Variants in ARID2 observed in about 807,000 individuals in gnomAD.
ARID2 encodes AT-rich interaction domain 2.
A neutral mutation model predicts 184.6 loss-of-function variants in ARID2; 32 were observed. The ratio of observed to expected loss-of-function variants is 0.17; its 90% CI spans 0.13 to 0.23. The LOEUF is 0.23. ARID2 is among the 10% of genes least tolerant of loss of function. The pLI is 1.00. For missense variants in ARID2, 1,696 were observed against 2,197.6 expected, an observed-to-expected ratio of 0.77 and a Z score of 4.56; for synonymous variants, 836 against 772.6, an observed-to-expected ratio of 1.08 and a Z score of -1.36.
chr12:45,896,382 G>C (rs1009875188), intron 20 of ARID2, among the ~76,000 whole-genome samples: 8 of 152,176 alleles, frequency 5.3e-5, no homozygotes, highest in South Asian at 2.1e-4. Context: ...TCCCCACCCA[G>C]ATCTCCTCTT....
intron 3 of ARID2, among the ~76,000 whole-genome samples, chr12:45,736,241 C>T (rs1273283388): frequency 6.6e-6 from 1 of 152,004 alleles, no homozygotes; most frequent in Non-Finnish European, 1.5e-5. Flanking sequence ...CCTGTAGTCC[C>T]AGCTACTCGG....
chr12:45,896,502 GTT>G (rs1944369336), intron 20 of ARID2, among the ~76,000 whole-genome samples: 1 of 152,162 alleles, frequency 6.6e-6, no homozygotes, highest in Admixed American at 6.5e-5. Flanking sequence ...AGATCCGATG[GTT>G]TTAAAAAAGG....
chr12:45,735,317 C>G (rs1941087679), intron 3 of ARID2, among the ~76,000 whole-genome samples: 1 of 151,750 alleles, frequency 6.6e-6, no homozygotes, highest in Admixed American at 6.6e-5. Flanking sequence ...GATTGCCCTT[C>G]TTATTCAAGG....
intron 3 of ARID2, among the ~76,000 whole-genome samples, chr12:45,788,747 A>G (rs1439583890): frequency 6.6e-6 from 1 of 152,198 alleles, no homozygotes; most frequent in East Asian, 1.9e-4. Context: ...AAAAATAAAA[A>G]TTACTTAAAG....
intron 20 of ARID2, among the ~76,000 whole-genome samples, chr12:45,898,082 GCTA>G (rs1944393788): frequency 6.6e-6 from 1 of 152,096 alleles, no homozygotes; most frequent in Admixed American, 6.5e-5. Flanking sequence ...ACAGGCGTGA[GCTA>G]CTGAGCCCAG....
intron 16 of ARID2, 118 bp downstream of exon 16, chr12:45,861,067 C>A: frequency 2.3e-6 from 2 of 861,408 alleles, no homozygotes; most frequent in Non-Finnish European, 1.6e-6. Context: ...CTAACTTTAG[C>A]GAAACTACAA....
intron 3 of ARID2, among the ~76,000 whole-genome samples, chr12:45,793,085 G>A (rs1285531184): frequency 6.6e-6 from 1 of 152,026 alleles, no homozygotes; most frequent in East Asian, 1.9e-4. Flanking sequence ...GATCACCTGA[G>A]GTCAGGAGTT....
At chr12:45,748,562 T>G (rs1449554400) in intron 3 of ARID2, among the ~76,000 whole-genome samples, 2 of 152,182 alleles carry the variant, frequency 1.3e-5, no homozygotes, top group Non-Finnish European at 2.9e-5. Flanking sequence ...GGAAATTTCT[T>G]AAGACAACAA....
At position 45,731,323 on chromosome 12, in the gene ARID2, T is replaced by C. The variant is rs760167654; in HGVS notation, c.284+9T>C. On this transcript the variant is annotated intron_variant, in intron 3 of 20. Transcript: ENST00000334344. Reference sequence around the variant, plus strand: ...AAACAGTATTACTTGCGGTGAGTAGTAGTGACTTTTCCATAGTATTTGGAA... The same window carrying C: ...AAACAGTATTACTTGCGGTGAGTAGCAGTGACTTTTCCATAGTATTTGGAA... 15 of 1,598,002 alleles carry C rather than the reference T, an allele frequency of 9.4e-6. No homozygotes were observed. Among genetic ancestry groups the C allele is most frequent in the Admixed American group, 8.3e-5 (5 of 59,980 alleles).
At chr12:45,903,592 G>C (rs1166124216) in intron 20 of ARID2, among the ~76,000 whole-genome samples, 4 of 152,132 alleles carry the variant, frequency 2.6e-5, no homozygotes, top group African/African-American at 4.8e-5. Context: ...AACATGAAAA[G>C]ATGCCCAACT....
chr12:45,743,384 C>G (rs997927693), intron 3 of ARID2, among the ~76,000 whole-genome samples: 1 of 151,818 alleles, frequency 6.6e-6, no homozygotes, highest in South Asian at 2.1e-4. Context: ...AAAAGAGAGA[C>G]AAATTTTACT....
chr12:45,770,873 A>G (rs1418156518), intron 3 of ARID2, among the ~76,000 whole-genome samples: 1 of 152,200 alleles, frequency 6.6e-6, no homozygotes, highest in Non-Finnish European at 1.5e-5. Flanking sequence ...AATCCAGTCC[A>G]TGGATTTGAC....
chr12:45,853,275 T>C (rs1943589488), intron 15 of ARID2, among the ~76,000 whole-genome samples: 1 of 152,168 alleles, frequency 6.6e-6, no homozygotes, highest in African/African-American at 2.4e-5. Flanking sequence ...CTGTATTTGA[T>C]TTTGACCTGA....
chr12:45,748,219 C>T (rs1235277273), intron 3 of ARID2, among the ~76,000 whole-genome samples: 4 of 152,062 alleles, frequency 2.6e-5, no homozygotes, highest in Non-Finnish European at 4.4e-5. Flanking sequence ...GAGACCCTGT[C>T]TCTACAAAAG....
chr12:45,786,046 A>G (rs550182140), intron 3 of ARID2, among the ~76,000 whole-genome samples: 1 of 152,226 alleles, frequency 6.6e-6, no homozygotes, highest in African/African-American at 2.4e-5. Context: ...TTAATGCCCA[A>G]TATTGAATAG....
chr12:45,794,520 C>G (rs1352658402), intron 3 of ARID2, among the ~76,000 whole-genome samples: 1 of 152,132 alleles, frequency 6.6e-6, no homozygotes, highest in Non-Finnish European at 1.5e-5. Flanking sequence ...TAGTGAGATT[C>G]AGACAAATAG....
rs2138174001 is a variant in ARID2, at chr12:45,851,828, C to A, written c.3705C>A (p.Pro1235=). 1 of 1,614,134 alleles carries A rather than the reference C, an allele frequency of 6.2e-7. No homozygotes were observed. The highest frequency in any genetic ancestry group is 8.5e-7 in the Non-Finnish European group (1 of 1,180,020). ...AATCATCATGTACTACTGCTACTCC[C>A]CCATTCAAAGGTGATAAAATAATTT... The part of the protein sequence containing the change: ...AGQSSCTTAT[P]PFKGDKIICQ... The change falls in exon 15 of 21, where the codon CCC becomes CCA. Residue 1235 remains proline, a synonymous_variant. Transcript: ENST00000334344.
intron 5 of ARID2, among the ~76,000 whole-genome samples, chr12:45,819,142 A>T (rs1179615375): frequency 6.6e-6 from 1 of 152,192 alleles, no homozygotes; most frequent in African/African-American, 2.4e-5. Context: ...TTCAAACCAG[A>T]ATAATTTTAA....
chr12:45,795,619 C>G (rs1191963185), intron 3 of ARID2, among the ~76,000 whole-genome samples: 1 of 151,696 alleles, frequency 6.6e-6, no homozygotes, highest in Non-Finnish European at 1.5e-5. Context: ...GTATTTTTTA[C>G]TAGAGACGGG....
Sources: allele counts gnomAD v4.1 joint callset (sites outside exome capture counted in the v4.1 genomes callset), GRCh38; gene constraint gnomAD v4.1.1; transcripts MANE v1.5; gene names NCBI Gene and HGNC (gene_info 2026-07-23, HGNC 2026-07-21).